Variants in ROBO2 observed in about 807,000 individuals in gnomAD.
ROBO2 encodes roundabout guidance receptor 2, also known as roundabout homolog 2.
In ROBO2, 53 loss-of-function variants were observed where a neutral mutation model predicts 160.8. That is an observed-to-expected ratio of 0.33 (90% CI 0.26 to 0.41). The LOEUF (loss-of-function observed/expected upper bound fraction) is 0.41. ROBO2 is among the 10% of genes least tolerant of loss of function. ROBO2 has a pLI of 1.00. For synonymous variants in ROBO2, 664 were observed against 611.7 expected (o/e 1.09, Z -1.26); for missense variants, 1,577 against 1,722.4 (o/e 0.92, Z 1.49).
chr3:76,910,296 A>G (rs911578744), intron 2 of ROBO2, among the ~76,000 whole-genome samples: 1 of 152,096 alleles, frequency 6.6e-6, no homozygotes, highest in Non-Finnish European at 1.5e-5. Context: ...ATCCTCAACA[A>G]CTTGTAGATG....
chr3:76,646,661 T>C (rs1224548191), intron 2 of ROBO2, among the ~76,000 whole-genome samples: 2 of 152,176 alleles, frequency 1.3e-5, no homozygotes, highest in African/African-American at 4.8e-5. Context: ...ATGATATACA[T>C]GTAGACACAG....
At chr3:77,527,342 TTTTC>T (rs1336245828) in intron 6 of ROBO2, 57 bp from the exon 7 acceptor site, 6 of 1,228,622 alleles carry the variant, frequency 4.9e-6, no homozygotes, top group East Asian at 5.7e-5. Context: ...TTCTGATAAT[TTTTC>T]TTTCTTTTTT....
chr3:77,034,104 T>C (rs1483010504), intron 2 of ROBO2, among the ~76,000 whole-genome samples: 1 of 151,880 alleles, frequency 6.6e-6, no homozygotes, highest in African/African-American at 2.4e-5. Context: ...ATCATTCTTT[T>C]TTGCTAAGTG....
chr3:76,772,891 G>A (rs1345192714), intron 2 of ROBO2, among the ~76,000 whole-genome samples: 1 of 151,152 alleles, frequency 6.6e-6, no homozygotes, highest in Non-Finnish European at 1.5e-5. Context: ...AATGGAATGA[G>A]AGTGAAATTT....
chr3:76,998,114 A>T (rs2061128454), intron 2 of ROBO2, among the ~76,000 whole-genome samples: 1 of 152,250 alleles, frequency 6.6e-6, no homozygotes, highest in Middle Eastern at 3.4e-3. Context: ...CTCTTCATGG[A>T]AGATTCTACA....
intron 2 of ROBO2, among the ~76,000 whole-genome samples, chr3:76,127,028 C>T (rs557829842): frequency 6.6e-6 from 1 of 152,240 alleles, no homozygotes; most frequent in South Asian, 2.1e-4. Flanking sequence ...ATATAGGAGA[C>T]TTTGTTGTCA....
chr3:77,425,973 AT>A (rs1006452675), intron 2 of ROBO2, among the ~76,000 whole-genome samples: 1 of 151,922 alleles, frequency 6.6e-6, no homozygotes, highest in Non-Finnish European at 1.5e-5. Flanking sequence ...CCTTAATATG[AT>A]TCGTGGTGTG....
chr3:76,439,423 AAAG>A (rs2076823083), intron 2 of ROBO2, among the ~76,000 whole-genome samples: 2 of 151,532 alleles, frequency 1.3e-5, no homozygotes, highest in African/African-American at 4.8e-5. Context: ...TGAAGGTTAC[AAAG>A]AAGAAGCATG....
At chr3:76,511,523 G>A (rs1388278695) in intron 2 of ROBO2, among the ~76,000 whole-genome samples, 1 of 152,030 alleles carries the variant, frequency 6.6e-6, no homozygotes, top group African/African-American at 2.4e-5. Flanking sequence ...CATGTGACCA[G>A]GATATCTTTA....
chr3:76,363,797 G>GT lies in ROBO2; in HGVS notation c.109+426205dup, dbSNP rs577076759. On this transcript the variant is annotated intron_variant, in intron 2 of 26. Transcript: ENST00000487694. ...GTGGATGTTTTGAAAGTGCTTAAGA[G>GT]TTTTTTTTTTAAATGTTTTATTTCT... Among the ~76,000 whole-genome samples the GT allele has an allele frequency of 1.9e-3, 285 of 149,664 alleles. No individual in the cohort carries two copies. In the Middle Eastern group the frequency reaches 0.021, roughly 11 times the overall value.
At chr3:75,944,096 CAGAAAAGTAGGAATAG>C (rs1948174883) in intron 2 of ROBO2, among the ~76,000 whole-genome samples, 1 of 151,978 alleles carries the variant, frequency 6.6e-6, no homozygotes, top group African/African-American at 2.4e-5. Flanking sequence ...ACTTTCCTGC[CAGAAAAGTAGGAATAG>C]AATGGCAGAA....
intron 2 of ROBO2, among the ~76,000 whole-genome samples, chr3:76,955,971 T>G (rs1032086612): frequency 6.6e-6 from 1 of 151,992 alleles, no homozygotes; most frequent in Non-Finnish European, 1.5e-5. Context: ...CAGTGGAATG[T>G]GGCCTTAACC....
At chr3:77,336,369 T>C (rs2066496690) in intron 2 of ROBO2, among the ~76,000 whole-genome samples, 2 of 152,160 alleles carry the variant, frequency 1.3e-5, no homozygotes, top group African/African-American at 2.4e-5. Flanking sequence ...AGGGGCCTGT[T>C]TGTCTACTAG....
intron 2 of ROBO2, among the ~76,000 whole-genome samples, chr3:76,540,254 C>T (rs1392274566): frequency 6.6e-6 from 1 of 152,084 alleles, no homozygotes; most frequent in Non-Finnish European, 1.5e-5. Context: ...ATAATGAGAG[C>T]TTTGTTTGGT....
intron 2 of ROBO2, among the ~76,000 whole-genome samples, chr3:76,510,918 T>C (rs1405814818): frequency 1.3e-5 from 2 of 151,946 alleles, no homozygotes; most frequent in Non-Finnish European, 2.9e-5. Flanking sequence ...AACTGAAAAC[T>C]GAAGGGAACA....
intron 7 of ROBO2, among the ~76,000 whole-genome samples, chr3:77,549,229 T>G (rs2092820928): frequency 6.6e-6 from 1 of 151,974 alleles, no homozygotes. Context: ...GATGGTACAT[T>G]GTAGAGGAAG....
intron 2 of ROBO2, among the ~76,000 whole-genome samples, chr3:76,761,354 T>C (rs1400524181): frequency 6.6e-6 from 1 of 151,770 alleles, no homozygotes; most frequent in African/African-American, 2.4e-5. Flanking sequence ...TCTCCTTGCA[T>C]GCAGGGTGAC....
rs1553882798 is a variant in ROBO2 at position 77,277,149 on chromosome 3, C to CTTCCTTCCTTCTTTCTTTCTTTCT, written c.388+178812_388+178813insCTTCCTTCTTTCTTTCTTTCTTTC. On this transcript the variant is annotated intron_variant, in intron 2 of 25. Transcript: ENST00000461745. ...CCTTCCTTCCTTTCTTCCTTCTTTCCTTCTTTCCTTCTTTCTTTCTTTCTT... is the reference window on the plus strand; with the variant it reads ...CCTTCCTTCCTTTCTTCCTTCTTTCCTTCCTTCCTTCTTTCTTTCTTTCTTTCTTTCCTTCTTTCTTTCTTTCTT... Among the ~76,000 whole-genome samples the CTTCCTTCCTTCTTTCTTTCTTTCT allele has an allele frequency of 7.0e-5, 7 of 100,070 alleles. No individual in the cohort carries two copies. In the South Asian group the frequency reaches 1.1e-3, roughly 16 times the overall value. 65.6% of individuals were successfully genotyped at this position (100,070 alleles called of 152,430 possible).
At chr3:76,331,818 G>A (rs889956384) in intron 2 of ROBO2, among the ~76,000 whole-genome samples, 1 of 151,600 alleles carries the variant, frequency 6.6e-6, no homozygotes. Context: ...CAAGTAGCTG[G>A]GACTACAGGC....
Sources: gnomAD v4.1 joint callset for allele counts (sites outside exome capture counted in the v4.1 genomes callset) on GRCh38, gnomAD v4.1.1 for gene constraint, MANE v1.5 for transcripts, NCBI Gene and HGNC (gene_info 2026-07-23, HGNC 2026-07-21) for gene names.